The following ADGRA2 variants were observed in gnomAD, a reference collection of about 807,000 sequenced individuals.
ADGRA2 encodes the protein adhesion G protein-coupled receptor A2, also known as G-protein coupled receptor 124.
A neutral mutation model predicts 98.7 loss-of-function variants in ADGRA2; 61 were observed. The observed-to-expected ratio is 0.62, with a 90% CI of 0.50 to 0.76. The LOEUF is 0.76. Ranked by LOEUF, ADGRA2 falls within the 30% of genes least tolerant of loss-of-function variation. The pLI is 0.00. For missense variants in ADGRA2, 1,712 were observed against 1,860.0 expected, an observed-to-expected ratio of 0.92 and a Z score of 1.46; for synonymous variants, 858 against 831.5, an observed-to-expected ratio of 1.03 and a Z score of -0.55.
rs371426002 is a variant in ADGRA2 at position 37,825,911 on chromosome 8, C to A, written c.339-2977C>A. On this transcript the variant is annotated intron_variant, in intron 2 of 18. Transcript: ENST00000412232. ...GGTCACCCCGAGGCTCCTCCCCAGG[C>A]GGGCTTGAGGCAAGGGAGAAGGCAT... is the stretch of plus-strand genomic sequence containing the variant. 5.9e-5 allele frequency among the ~76,000 whole-genome samples: 9 copies of A among 152,218 alleles called. No homozygotes were observed. The East Asian group carries it at 1.2e-3, about 20-fold the overall frequency.
rs764222395 is a variant in ADGRA2, at chr8:37,844,462, A to C, written c.*2107A>C. 1.4e-5 allele frequency: 23 copies of C among 1,604,494 alleles called. No homozygotes were observed. Among genetic ancestry groups the C allele is most frequent in the Non-Finnish European group, 1.9e-5 (22 of 1,174,728 alleles). ...AGGAATGTTATCAAGCTGTCAGAAC[A>C]GGATGAAGTGCTCCCAGTGGATATC... On this transcript the variant is annotated 3_prime_UTR_variant, in exon 19 of 19. Transcript: ENST00000412232.
At chr8:37,832,214 A>G (rs1000044150) in intron 8 of ADGRA2, among the ~76,000 whole-genome samples, 6 of 151,172 alleles carry the variant, frequency 4.0e-5, no homozygotes, top group African/African-American at 1.5e-4. Flanking sequence ...CACCATGCCC[A>G]GCTAATTTTT....
intron 1 of ADGRA2, among the ~76,000 whole-genome samples, chr8:37,811,383 G>C (rs1186252157): frequency 2.7e-5 from 4 of 150,270 alleles, no homozygotes; most frequent in Non-Finnish European, 5.9e-5. Flanking sequence ...TGTTGGCCAG[G>C]CTGGTCTCCA....
intron 17 of ADGRA2, among the ~76,000 whole-genome samples, chr8:37,840,549 G>A (rs1377128298): frequency 6.6e-6 from 1 of 152,130 alleles, no homozygotes; most frequent in African/African-American, 2.4e-5. Flanking sequence ...CACTGTTTAG[G>A]GTGAGAGAGC....
At chr8:37,815,089 C>G (rs1250560833) in intron 2 of ADGRA2, 122 bp downstream of exon 2, 20 of 738,144 alleles carry the variant, frequency 2.7e-5, no homozygotes, top group African/African-American at 3.4e-5. Flanking sequence ...GAGCAGGGCC[C>G]GGAGTTAGAC....
rs1804376694 is a variant in ADGRA2 at position 37,797,725 on chromosome 8, G to A, written c.266+191G>A. Among the ~76,000 whole-genome samples the A allele has an allele frequency of 1.3e-5, 2 of 152,204 alleles. No homozygotes were observed. The highest frequency in any genetic ancestry group is 2.9e-5 in the Non-Finnish European group (2 of 68,016). ...GAGACTGGGGCTCCAGGAGCGTGGAGGCGGGAAGGGGCTGCGGGGGACAGG... is the reference window on the plus strand; with the variant it reads ...GAGACTGGGGCTCCAGGAGCGTGGAAGCGGGAAGGGGCTGCGGGGGACAGG... On this transcript the variant is annotated intron_variant, in intron 1 of 18. Transcript: ENST00000412232. This position sits in a 1 kb window ranked among gnomAD's most constrained non-coding sequence, Gnocchi z 5.3.
In ADGRA2 at chr8:37,842,491, G is replaced by A. The variant is rs1218512563; in HGVS notation, c.*136G>A. The A allele has an allele frequency of 4.5e-6, 6 of 1,339,730 alleles. No homozygotes were observed. The highest frequency in any genetic ancestry group is 3.9e-6 in the Non-Finnish European group (4 of 1,034,188). 83.0% of individuals were successfully genotyped at this position (1,339,730 alleles called of 1,614,324 possible). ...GGCTGGAGGAAGCCCACAGGCGGAT[G>A]TTCCCCACTTGCCTAGAGGGCATCC... is the stretch of plus-strand genomic sequence containing the variant. On this transcript the variant is annotated 3_prime_UTR_variant, in exon 19 of 19. Coordinates refer to ENST00000412232, the MANE Select transcript of ADGRA2 (RefSeq NM_032777.10).
intron 1 of ADGRA2, among the ~76,000 whole-genome samples, chr8:37,808,282 G>A (rs545827027): frequency 2.7e-4 from 41 of 152,344 alleles, no homozygotes; most frequent in Middle Eastern, 3.4e-3. Context: ...GCCTGGCCAG[G>A]CCAGCCAGGG....
Position 37,841,032 on chromosome 8 carries a change from G to GCCCCA in ADGRA2, c.2748-48_2748-44dup. 1 of 802,112 alleles carries GCCCCA rather than the reference G, an allele frequency of 1.2e-6. No individual in the cohort carries two copies. Among genetic ancestry groups the GCCCCA allele is most frequent in the Non-Finnish European group, 1.9e-6 (1 of 520,284 alleles). 49.7% of individuals were successfully genotyped at this position (802,112 alleles called of 1,614,324 possible). On this transcript the variant is annotated intron_variant, in intron 18 of 18. Transcript: ENST00000412232. The surrounding 1 kb of genome is among the most constrained non-coding windows in gnomAD (Gnocchi z 5.0). Reference sequence around the variant, plus strand: ...GTCTCCCCAACCACCCCGGCCCCCAGCCCCACCCCAGCCATGCCCCCTGTC... The same window carrying GCCCCA: ...GTCTCCCCAACCACCCCGGCCCCCAGCCCCACCCCACCCCAGCCATGCCCCCTGTC...
chr8:37,806,825 C>T (rs1400932888), intron 1 of ADGRA2, among the ~76,000 whole-genome samples: 4 of 152,048 alleles, frequency 2.6e-5, no homozygotes, highest in African/African-American at 4.8e-5. Flanking sequence ...CCACTGCGCC[C>T]GGCATGTAGC....
intron 2 of ADGRA2, among the ~76,000 whole-genome samples, chr8:37,815,894 G>C (rs1804964853): frequency 6.6e-6 from 1 of 152,302 alleles, no homozygotes; most frequent in South Asian, 2.1e-4. Flanking sequence ...ACCTCTCCTA[G>C]AGCCTGACTC....
At position 37,830,991 on chromosome 8, in the gene ADGRA2, C is replaced by G; in HGVS notation, c.932+68C>G. ...AGGGGACCTACCCTACCCGTCACCA[C>G]CCCGCAAAAGAGCTGCCCCCAGATG... On this transcript the variant is annotated intron_variant, in intron 7 of 18. Transcript: ENST00000412232. This position sits in a 1 kb window ranked among gnomAD's most constrained non-coding sequence, Gnocchi z 4.8. 1 of 1,215,446 alleles carries G rather than the reference C, an allele frequency of 8.2e-7. No homozygotes were observed. The highest frequency in any genetic ancestry group is 1.2e-6 in the Non-Finnish European group (1 of 856,230). The allele number at this position is 1,215,446 out of a possible 1,614,324, so 75.3% of individuals were successfully genotyped here.
chr8:37,815,260 C>G (rs900373097), intron 2 of ADGRA2, among the ~76,000 whole-genome samples: 34 of 152,240 alleles, frequency 2.2e-4, no homozygotes, highest in Non-Finnish European at 4.4e-5. Context: ...CTGTGAGGGC[C>G]GAGCTCTCGA....
chr8:37,836,527 C>G (rs1805621216), intron 13 of ADGRA2, among the ~76,000 whole-genome samples: 1 of 152,148 alleles, frequency 6.6e-6, no homozygotes, highest in African/African-American at 2.4e-5. Flanking sequence ...CACCTGCAGT[C>G]CCCCTTTTGT....
intron 12 of ADGRA2, 27 bp downstream of exon 12, chr8:37,835,425 TG>T: frequency 1.4e-6 from 2 of 1,406,770 alleles, no homozygotes; most frequent in Non-Finnish European, 1.9e-6. Context: ...GGAGAGGGGG[TG>T]GGAGAAGGGA....
Position 37,842,131 on chromosome 8 carries a change from G to A in ADGRA2, c.3793G>A (p.Glu1265Lys), listed in dbSNP as rs1054795133. 13 of 1,496,532 alleles carry A rather than the reference G, an allele frequency of 8.7e-6. No individual in the cohort carries two copies. The highest frequency in any genetic ancestry group is 4.4e-5 in the African/African-American group (3 of 68,726). The allele number at this position is 1,496,532 out of a possible 1,614,324, so 92.7% of individuals were successfully genotyped here. A position where few individuals can be genotyped will look rare whatever the true frequency, so the allele number is the denominator to read the frequency against. ...GSDTSAAPLS[E>K]AGRAGQRRSA... ...CGACACCAGCGCCGCGCCGCTTTCT[G>A]AGGCGGGCCGGGCAGGCCAGCGCCG... Residue 1265 changes from glutamate (E) to lysine (K), a missense_variant, in exon 19 of 19, where the codon GAG (glutamate) becomes AAG (lysine). By Grantham distance (56) the Glu-to-Lys change is moderately conservative (BLOSUM62 1). Transcript: ENST00000412232.
chr8:37,825,011 C>A (rs1177086399), intron 2 of ADGRA2, among the ~76,000 whole-genome samples: 1 of 152,172 alleles, frequency 6.6e-6, no homozygotes, highest in African/African-American at 2.4e-5. Context: ...AGGAATCCTC[C>A]CTCCACATCT....
Position 37,842,349 on chromosome 8 carries a change from C to T in ADGRA2, c.4011C>T (p.Thr1337=). The change falls in exon 19 of 19, where the codon ACC becomes ACT. Residue 1337 remains threonine (T), a synonymous_variant. Transcript: ENST00000412232. The part of the protein sequence containing the change: ...MKTGLWKSET[T]V ...CCGGACTCTGGAAGAGCGAAACTAC[C>T]GTCTAAGGTGGGGCGGGCGACGCGG... is the stretch of plus-strand genomic sequence containing the variant. 3 of 1,479,978 alleles carry T rather than the reference C, an allele frequency of 2.0e-6. No homozygotes were observed. The highest frequency in any genetic ancestry group is 2.7e-6 in the Non-Finnish European group (3 of 1,118,534). The allele number at this position is 1,479,978 out of a possible 1,614,324, so 91.7% of individuals were successfully genotyped here.
At position 37,842,156 on chromosome 8, in the gene ADGRA2, G is replaced by A; in HGVS notation, c.3818G>A (p.Arg1273His). Residue 1273 changes from arginine to histidine, a missense_variant, in exon 19 of 19, where the codon CGC (arginine) becomes CAC (histidine). By Grantham distance (29) the Arg-to-His change is conservative (BLOSUM62 0). Coordinates refer to ENST00000412232, the MANE Select transcript of ADGRA2 (RefSeq NM_032777.10). Reference protein sequence around the residue: ...LSEAGRAGQRRSASRDSLKGG... With the variant: ...LSEAGRAGQRHSASRDSLKGG... ...GAGGCGGGCCGGGCAGGCCAGCGCCGCAGCGCCAGCCGCGACAGTCTCAAG... is the reference window on the plus strand; with the variant it reads ...GAGGCGGGCCGGGCAGGCCAGCGCCACAGCGCCAGCCGCGACAGTCTCAAG... 6.6e-7 allele frequency: 1 copy of A among 1,522,730 alleles called. No homozygotes were observed. 94.3% of individuals were successfully genotyped at this position (1,522,730 alleles called of 1,614,324 possible). A position where few individuals can be genotyped will look rare whatever the true frequency, so the allele number is the denominator to read the frequency against.
Sources: gnomAD v4.1 joint callset for allele counts (sites outside exome capture counted in the v4.1 genomes callset) on GRCh38, gnomAD v4.1.1 for gene constraint, Gnocchi (gnomAD v3.1) non-coding constraint, MANE v1.5 for transcripts, NCBI Gene and HGNC (gene_info 2026-07-23, HGNC 2026-07-21) for gene names.